Variants in ABCD3 observed in about 807,000 individuals in gnomAD.
ABCD3 encodes the protein ATP-binding cassette sub-family D member 3.
In ABCD3, 41 loss-of-function variants were observed where a neutral mutation model predicts 105.5. That is an observed-to-expected ratio of 0.39 (90% CI 0.30 to 0.50). The LOEUF (loss-of-function observed/expected upper bound fraction) is 0.50. Ranked by LOEUF, ABCD3 falls within the 20% of genes least tolerant of loss-of-function variation. The pLI, the probability that ABCD3 is intolerant of heterozygous loss-of-function variation, is 0.84. For synonymous variants in ABCD3, 258 were observed against 269.0 expected, an observed-to-expected ratio of 0.96 and a Z score of 0.40; for missense variants, 622 against 806.3, an observed-to-expected ratio of 0.77 and a Z score of 2.77.
At chr1:94,458,086 C>G (rs1464807875) in intron 1 of ABCD3, among the ~76,000 whole-genome samples, 1 of 152,172 alleles carries the variant, frequency 6.6e-6, no homozygotes, top group Admixed American at 6.5e-5. Flanking sequence ...GAACCTTGGG[C>G]ATACTGCTTA....
At chr1:94,393,684 GAC>G in the ABCD3 span, among the ~76,000 whole-genome samples, 6 of 151,550 alleles carry the variant, frequency 4.0e-5, no homozygotes, top group Non-Finnish European at 8.8e-5. Context: ...TGCGACTGAA[GAC>G]ACACACACAC....
At chr1:94,507,632 C>T (rs1367941826) in intron 21 of ABCD3, among the ~76,000 whole-genome samples, 1 of 152,126 alleles carries the variant, frequency 6.6e-6, no homozygotes, top group Non-Finnish European at 1.5e-5. Flanking sequence ...TCCTGTTTCT[C>T]CACATCTTCT....
chr1:94,500,519 G>C (rs749171556), intron 20 of ABCD3, among the ~76,000 whole-genome samples: 1 of 152,148 alleles, frequency 6.6e-6, no homozygotes, highest in Non-Finnish European at 1.5e-5. Flanking sequence ...TTCATAAAGA[G>C]TCATTTTTTA....
At chr1:94,404,424 G>T in the ABCD3 span, among the ~76,000 whole-genome samples, 1 of 151,828 alleles carries the variant, frequency 6.6e-6, no homozygotes, top group Non-Finnish European at 1.5e-5. Context: ...TCCATCTTTG[G>T]CTCTCTTGTT....
At chr1:94,512,672 T>A (rs778193472) in intron 21 of ABCD3, among the ~76,000 whole-genome samples, 33 of 152,182 alleles carry the variant, frequency 2.2e-4, no homozygotes, top group Admixed American at 9.8e-4. Context: ...AAGCTGCTTT[T>A]AGTAGCTAAG....
At chr1:94,451,012 A>G (rs145117022) in intron 1 of ABCD3, among the ~76,000 whole-genome samples, 427 of 152,260 alleles carry the variant, frequency 2.8e-3, no homozygotes, top group African/African-American at 9.9e-3. Flanking sequence ...GCCATGTGAA[A>G]TCTCTTAAAC....
chr1:94,405,316 T>A, the ABCD3 span, among the ~76,000 whole-genome samples: 2 of 151,542 alleles, frequency 1.3e-5, no homozygotes, highest in Admixed American at 1.3e-4. Context: ...CAAGCTTTTT[T>A]TTTTTTTTTT....
chr1:94,462,003 G>A (rs1004787263), intron 2 of ABCD3, among the ~76,000 whole-genome samples: 1 of 152,166 alleles, frequency 6.6e-6, no homozygotes, highest in African/African-American at 2.4e-5. Flanking sequence ...TTTTCAGTCA[G>A]TCTCACCTAC....
chr1:94,419,102 T>G (rs1350524956), intron 1 of ABCD3, among the ~76,000 whole-genome samples: 1 of 152,222 alleles, frequency 6.6e-6, no homozygotes, highest in Admixed American at 6.5e-5. Context: ...CCCGACTAAC[T>G]GCTATTGAAA....
intron 10 of ABCD3, among the ~76,000 whole-genome samples, chr1:94,483,631 T>C (rs946192207): frequency 2.0e-5 from 3 of 151,936 alleles, no homozygotes; most frequent in Non-Finnish European, 4.4e-5. Flanking sequence ...ACACCTTATA[T>C]AAAAATTAAT....
chr1:94,491,665 C>T (rs571785472), intron 16 of ABCD3, among the ~76,000 whole-genome samples: 23 of 151,922 alleles, frequency 1.5e-4, no homozygotes, highest in Admixed American at 7.2e-4. Flanking sequence ...CTGATGAAAA[C>T]GGGAAGAGCC....
chr1:94,439,032 T>G (rs908588186), intron 1 of ABCD3, among the ~76,000 whole-genome samples: 3 of 152,230 alleles, frequency 2.0e-5, no homozygotes, highest in Non-Finnish European at 2.9e-5. Flanking sequence ...TACCTCTTTT[T>G]AGGTCACTGG....
chr1:94,501,926 T>C (rs1003582898), intron 20 of ABCD3, among the ~76,000 whole-genome samples: 1 of 151,930 alleles, frequency 6.6e-6, no homozygotes, highest in African/African-American at 2.4e-5. Flanking sequence ...TCAAATTCCC[T>C]GAGATCTCTA....
chr1:94,385,560 C>T, the ABCD3 span, among the ~76,000 whole-genome samples: 1 of 152,246 alleles, frequency 6.6e-6, no homozygotes, highest in Non-Finnish European at 1.5e-5. Flanking sequence ...GTTGCCATTT[C>T]TCTGGCTGTC....
At position 94,427,468 on chromosome 1, in the gene ABCD3, C is replaced by G. The variant is rs180906762; in HGVS notation, c.110+8880C>G. On this transcript the variant is annotated intron_variant, in intron 1 of 22. Transcript: ENST00000370214. ...ACCACTTCCTTCTAAGTACCCATGC[C>G]ATACTGCCCATTTAGATAAGTAAGT... 5.6e-4 allele frequency among the ~76,000 whole-genome samples: 85 copies of G among 152,284 alleles called. No homozygotes were observed. In the East Asian group the frequency reaches 0.016, roughly 29 times the overall value.
chr1:94,493,375 A>G (rs1649629906), intron 16 of ABCD3, among the ~76,000 whole-genome samples: 1 of 152,096 alleles, frequency 6.6e-6, no homozygotes. Flanking sequence ...GAGAAATGCA[A>G]ATCAAAACCA....
At chr1:94,463,971 G>T (rs951901941) in intron 2 of ABCD3, among the ~76,000 whole-genome samples, 1 of 151,972 alleles carries the variant, frequency 6.6e-6, no homozygotes, top group Admixed American at 6.6e-5. Flanking sequence ...GTTGTTCCTT[G>T]TGCTTCACTC....
intron 1 of ABCD3, among the ~76,000 whole-genome samples, chr1:94,444,377 C>T (rs1233345945): frequency 1.3e-5 from 2 of 149,456 alleles, no homozygotes; most frequent in Non-Finnish European, 3.0e-5. Flanking sequence ...GTTGTCCGGG[C>T]TGGTCTCAAA....
At chr1:94,412,378 G>A in the ABCD3 span, among the ~76,000 whole-genome samples, 3 of 151,968 alleles carry the variant, frequency 2.0e-5, no homozygotes, top group Non-Finnish European at 4.4e-5. Flanking sequence ...CACTAGCTCC[G>A]TTTACAAATG....
Sources: gnomAD v4.1 joint callset for allele counts (sites outside exome capture counted in the v4.1 genomes callset) on GRCh38, gnomAD v4.1.1 for gene constraint, MANE v1.5 for transcripts, NCBI Gene and HGNC (gene_info 2026-07-23, HGNC 2026-07-21) for gene names.